Variants in LRRTM4 observed in about 807,000 individuals in gnomAD.
LRRTM4 encodes leucine rich repeat transmembrane neuronal 4.
In LRRTM4, 25 loss-of-function variants were observed where a neutral mutation model predicts 47.6. That is an observed-to-expected ratio of 0.53 (90% CI 0.38 to 0.73). The LOEUF (loss-of-function observed/expected upper bound fraction) is 0.73. Among genes scored for constraint, LRRTM4 ranks in the 30% least tolerant of loss-of-function variants. The probability of loss-of-function intolerance (pLI) is 0.00; values close to 1 mark genes in which losing one functional copy is unlikely to be tolerated. For missense variants in LRRTM4, 638 were observed against 713.4 expected (o/e 0.89, Z 1.20); for synonymous variants, 311 against 269.5 (o/e 1.15, Z -1.51).
At chr2:76,753,980 C>A (rs565241037) in intron 3 of LRRTM4, among the ~76,000 whole-genome samples, 1 of 152,086 alleles carries the variant, frequency 6.6e-6, no homozygotes, top group African/African-American at 2.4e-5. Flanking sequence ...TAACTTTTCA[C>A]GAACATTGTT....
At chr2:77,095,500 T>C (rs1198797606) in intron 3 of LRRTM4, among the ~76,000 whole-genome samples, 1 of 133,684 alleles carries the variant, frequency 7.5e-6, no homozygotes, top group African/African-American at 3.1e-5. Context: ...TGAAATACCA[T>C]ATGCAAACTT....
intron 3 of LRRTM4, among the ~76,000 whole-genome samples, chr2:77,433,501 C>T (rs1675468654): frequency 6.6e-6 from 1 of 152,138 alleles, no homozygotes; most frequent in Admixed American, 6.5e-5. Context: ...CTAAAAATGA[C>T]TAGATCTTTA....
intron 3 of LRRTM4, among the ~76,000 whole-genome samples, chr2:76,780,665 T>C (rs963925873): frequency 2.0e-5 from 3 of 152,116 alleles, no homozygotes; most frequent in Non-Finnish European, 2.9e-5. Flanking sequence ...TTCTTCTAAA[T>C]TTTTTTCAAA....
intron 3 of LRRTM4, among the ~76,000 whole-genome samples, chr2:77,474,256 A>G (rs1677294724): frequency 6.6e-6 from 1 of 152,128 alleles, no homozygotes; most frequent in Non-Finnish European, 1.5e-5. Context: ...AAAGAGGAGG[A>G]TAATGGCTGA....
intron 3 of LRRTM4, among the ~76,000 whole-genome samples, chr2:76,878,601 T>G (rs1672842232): frequency 6.6e-6 from 1 of 152,068 alleles, no homozygotes; most frequent in African/African-American, 2.4e-5. Flanking sequence ...CAGTGGCTCA[T>G]GCCTGCAATC....
intron 3 of LRRTM4, among the ~76,000 whole-genome samples, chr2:77,334,577 C>T (rs1482375045): frequency 1.3e-5 from 2 of 152,318 alleles, no homozygotes; most frequent in African/African-American, 4.8e-5. Flanking sequence ...TTGCCTTTCA[C>T]CTTCCACCAT....
intron 3 of LRRTM4, among the ~76,000 whole-genome samples, chr2:76,890,627 A>G (rs559720240): frequency 6.6e-6 from 1 of 152,156 alleles, no homozygotes; most frequent in South Asian, 2.1e-4. Flanking sequence ...CAACTGTATT[A>G]CAATAAACTG....
At chr2:77,263,132 T>C (rs181205191) in intron 3 of LRRTM4, among the ~76,000 whole-genome samples, 262 of 152,120 alleles carry the variant, frequency 1.7e-3, no homozygotes, top group African/African-American at 6.0e-3. Flanking sequence ...AAAGCCTCCA[T>C]AAAAACCCTA....
chr2:77,393,482 C>G (rs1212145304), intron 3 of LRRTM4, among the ~76,000 whole-genome samples: 1 of 151,946 alleles, frequency 6.6e-6, no homozygotes, highest in Non-Finnish European at 1.5e-5. Flanking sequence ...GGATGAAGTT[C>G]ATTGCGGGAG....
chr2:76,974,292 C>T lies in LRRTM4; in HGVS notation c.1552-225376G>A, dbSNP rs116075323. On this transcript the variant is annotated intron_variant, in intron 3 of 3. Coordinates refer to ENST00000409884, the MANE Select transcript of LRRTM4 (RefSeq NM_001134745.3). The stretch of plus-strand genomic sequence containing the variant: ...TATATATATGGATTATTTTGACATA[C>T]CAGAGCATTATCAATGGTTTAACAG... Among the ~76,000 whole-genome samples, 1,250 of 144,972 alleles carry T rather than the reference C, an allele frequency of 8.6e-3. 23 individuals carry two copies. Among genetic ancestry groups the T allele is most frequent in the African/African-American group, 0.03 (1,181 of 39,702 alleles).
intron 3 of LRRTM4, among the ~76,000 whole-genome samples, chr2:76,787,280 G>A (rs966151948): frequency 2.6e-5 from 4 of 152,116 alleles, no homozygotes; most frequent in African/African-American, 9.7e-5. Flanking sequence ...ATTGGCATAA[G>A]GAGATTTGGA....
chr2:77,324,693 C>T (rs1005374045), intron 3 of LRRTM4, among the ~76,000 whole-genome samples: 22 of 152,218 alleles, frequency 1.4e-4, no homozygotes, highest in African/African-American at 4.6e-4. Context: ...GATTATACTA[C>T]ATTTTGTTGG....
At chr2:76,885,750 T>C (rs556530314) in intron 3 of LRRTM4, among the ~76,000 whole-genome samples, 4 of 152,142 alleles carry the variant, frequency 2.6e-5, no homozygotes, top group African/African-American at 9.6e-5. Context: ...CAGGCGTGAG[T>C]CACCGCGCCC....
chr2:76,892,321 G>A (rs1278936194), intron 3 of LRRTM4, among the ~76,000 whole-genome samples: 11 of 151,410 alleles, frequency 7.3e-5, no homozygotes, highest in Non-Finnish European at 1.6e-4. Flanking sequence ...TGGCTATTTG[G>A]TTATTTGAAA....
At chr2:77,243,690 T>G (rs1403120377) in intron 3 of LRRTM4, among the ~76,000 whole-genome samples, 3 of 152,020 alleles carry the variant, frequency 2.0e-5, no homozygotes, top group Non-Finnish European at 4.4e-5. Context: ...AAACTGTCAA[T>G]TTTCTTATGC....
At chr2:76,965,621 A>G (rs978030761) in intron 3 of LRRTM4, among the ~76,000 whole-genome samples, 1 of 151,284 alleles carries the variant, frequency 6.6e-6, no homozygotes, top group Non-Finnish European at 1.5e-5. Context: ...AAAAAACAGT[A>G]TTCAAAACTG....
In LRRTM4 at chr2:77,191,219, C is replaced by T. The variant is rs76003444; in HGVS notation, c.1551+327099G>A. 3.6e-3 allele frequency among the ~76,000 whole-genome samples: 551 copies of T among 152,010 alleles called. 8 individuals are homozygous for T. The East Asian group carries it at 0.049, about 14-fold the overall frequency. Reference sequence around the variant, plus strand: ...GAAATGAGTAATACCAGTTTAAATTCATGATTAAAAAAACACCCGAAGTGT... The same window carrying T: ...GAAATGAGTAATACCAGTTTAAATTTATGATTAAAAAAACACCCGAAGTGT... On this transcript the variant is annotated intron_variant, in intron 3 of 3. Coordinates refer to ENST00000409884, the MANE Select transcript of LRRTM4 (RefSeq NM_001134745.3).
intron 3 of LRRTM4, among the ~76,000 whole-genome samples, chr2:76,864,313 C>A (rs1200879222): frequency 6.6e-6 from 1 of 152,122 alleles, no homozygotes; most frequent in Admixed American, 6.5e-5. Context: ...ATTTCCACAC[C>A]TCTGAGATTG....
At chr2:77,515,721 A>G (rs975658616) in intron 3 of LRRTM4, among the ~76,000 whole-genome samples, 41 of 151,874 alleles carry the variant, frequency 2.7e-4, no homozygotes, top group African/African-American at 9.2e-4. Context: ...GCATACTTAT[A>G]CTATTCCAAA....
Sources: gnomAD v4.1 joint callset for allele counts (sites outside exome capture counted in the v4.1 genomes callset) on GRCh38, gnomAD v4.1.1 for gene constraint, MANE v1.5 for transcripts, NCBI Gene and HGNC (gene_info 2026-07-23, HGNC 2026-07-21) for gene names.